CDH13: variants seen among roughly 807,000 people sequenced by gnomAD.
CDH13 encodes the protein cadherin-13.
Under a neutral mutation model 63.8 loss-of-function variants are expected in CDH13, and 24 were observed. That is an observed-to-expected ratio of 0.38 (90% CI 0.27 to 0.53). The LOEUF is 0.53. CDH13 is among the 20% of genes least tolerant of loss of function. CDH13 has a pLI of 0.85. For missense variants in CDH13, 1,049 were observed against 903.1 expected (o/e 1.16, Z -2.07); for synonymous variants, 503 against 355.3 (o/e 1.42, Z -4.67).
At chr16:83,298,777 A>C (rs2089663045) in intron 5 of CDH13, among the ~76,000 whole-genome samples, 1 of 152,224 alleles carries the variant, frequency 6.6e-6, no homozygotes, top group Non-Finnish European at 1.5e-5. Context: ...ACTGAGCATT[A>C]CATGAGACTG....
At chr16:83,721,096 C>T (rs1239367515) in intron 10 of CDH13, 1 of 152,256 alleles carries the variant, frequency 6.6e-6, no homozygotes, top group Non-Finnish European at 1.5e-5. Context: ...GAAGTGGGTT[C>T]AGTAATGAGC....
intron 7 of CDH13, among the ~76,000 whole-genome samples, chr16:83,488,520 C>A (rs913114461): frequency 3.9e-5 from 6 of 152,088 alleles, no homozygotes; most frequent in African/African-American, 1.2e-4. Flanking sequence ...AAAATGTAAT[C>A]GTTTCTAGTT....
chr16:83,361,732 C>G (rs376716730), intron 6 of CDH13, among the ~76,000 whole-genome samples: 1 of 151,942 alleles, frequency 6.6e-6, no homozygotes, highest in Non-Finnish European at 1.5e-5. Context: ...AGAGCAGATG[C>G]CTATAGGTGT....
At chr16:83,777,440 C>T (rs1008865335) in intron 11 of CDH13, among the ~76,000 whole-genome samples, 3 of 152,212 alleles carry the variant, frequency 2.0e-5, no homozygotes, top group Non-Finnish European at 4.4e-5. Context: ...GAACACCCTG[C>T]GGTCCCCCAG....
chr16:83,503,465 G>T (rs1039966792), intron 7 of CDH13, among the ~76,000 whole-genome samples: 1 of 152,252 alleles, frequency 6.6e-6, no homozygotes, highest in East Asian at 1.9e-4. Flanking sequence ...TGAGAAGGAG[G>T]CCGGAAGGGG....
rs547119341 is a variant in CDH13, at chr16:82,983,701, A to T, written c.158-48309A>T. 7.2e-5 allele frequency among the ~76,000 whole-genome samples: 11 copies of T among 152,312 alleles called. No homozygotes were observed. In the East Asian group the frequency reaches 1.9e-3, roughly 27 times the overall value. ...TTGGGAACAGTTCAGGGGTGTGTGTATGAGAGAGATTGTGCATACCATGAA... is the reference window on the plus strand; with the variant it reads ...TTGGGAACAGTTCAGGGGTGTGTGTTTGAGAGAGATTGTGCATACCATGAA... On this transcript the variant is annotated intron_variant, in intron 2 of 13. Coordinates refer to ENST00000567109, the MANE Select transcript of CDH13 (RefSeq NM_001257.5).
At chr16:83,244,797 GACA>G (rs766123059) in intron 5 of CDH13, among the ~76,000 whole-genome samples, 135 of 152,286 alleles carry the variant, frequency 8.9e-4, no homozygotes, top group Non-Finnish European at 1.3e-3. Flanking sequence ...GAGAAATAGT[GACA>G]ACGAGTATAA....
At chr16:82,710,643 A>G (rs1040072059) in intron 1 of CDH13, among the ~76,000 whole-genome samples, 10 of 144,470 alleles carry the variant, frequency 6.9e-5, no homozygotes, top group African/African-American at 2.2e-4. Flanking sequence ...TACATATAAT[A>G]TAATCATTTT....
At position 83,202,864 on chromosome 16, in the gene CDH13, A is replaced by C. The variant is rs2039070802; in HGVS notation, c.484-14481A>C. ...TAAACATTGAGTACACATGGACATA[A>C]AGACAGGAAAAATAGACACTGAAGA... is the stretch of plus-strand genomic sequence containing the variant. On this transcript the variant is annotated intron_variant, in intron 4 of 13. Transcript: ENST00000567109. 4.6e-5 allele frequency among the ~76,000 whole-genome samples: 7 copies of C among 150,966 alleles called. No individual in the cohort carries two copies. In the South Asian group the frequency reaches 1.5e-3, roughly 31 times the overall value.
chr16:83,478,750 G>T (rs1187678616), intron 6 of CDH13, among the ~76,000 whole-genome samples: 1 of 151,682 alleles, frequency 6.6e-6, no homozygotes, highest in Non-Finnish European at 1.5e-5. Flanking sequence ...CAGAGTACAG[G>T]GGCAGGGATT....
At chr16:82,963,692 A>T (rs1219954696) in intron 2 of CDH13, among the ~76,000 whole-genome samples, 2 of 152,058 alleles carry the variant, frequency 1.3e-5, no homozygotes, top group African/African-American at 4.8e-5. Flanking sequence ...TAAATCCTCA[A>T]CACCTGTTAC....
chr16:83,554,098 T>A (rs925092118), intron 7 of CDH13, among the ~76,000 whole-genome samples: 28 of 152,178 alleles, frequency 1.8e-4, no homozygotes, highest in African/African-American at 6.8e-4. Context: ...AGATTAGACC[T>A]CAATGTAGCA....
intron 7 of CDH13, among the ~76,000 whole-genome samples, chr16:83,590,642 A>C (rs139538779): frequency 6.6e-6 from 1 of 152,244 alleles, no homozygotes; most frequent in African/African-American, 2.4e-5. Flanking sequence ...TTGGAAAACT[A>C]TGATTTTCAT....
intron 1 of CDH13, among the ~76,000 whole-genome samples, chr16:82,740,360 C>T (rs2033873471): frequency 6.6e-6 from 1 of 152,194 alleles, no homozygotes; most frequent in South Asian, 2.1e-4. Flanking sequence ...TCACAAACTT[C>T]AAATTGTATT....
intron 6 of CDH13, among the ~76,000 whole-genome samples, chr16:83,427,723 C>T (rs1006867441): frequency 6.6e-6 from 1 of 152,146 alleles, no homozygotes; most frequent in African/African-American, 2.4e-5. Flanking sequence ...CTACTAAGCA[C>T]CTCTGCACTT....
chr16:83,458,540 T>C (rs1407734657), intron 6 of CDH13, among the ~76,000 whole-genome samples: 2 of 152,178 alleles, frequency 1.3e-5, no homozygotes, highest in African/African-American at 4.8e-5. Flanking sequence ...TTATAACTCA[T>C]CTCCCCCCAC....
intron 1 of CDH13, among the ~76,000 whole-genome samples, chr16:82,633,255 G>C (rs528432439): frequency 5.8e-4 from 88 of 152,298 alleles, no homozygotes; most frequent in Admixed American, 1.9e-3. Context: ...GCTCCCTCAC[G>C]GTATAGACAT....
chr16:83,439,700 C>T (rs2072427972), intron 6 of CDH13, among the ~76,000 whole-genome samples: 1 of 152,174 alleles, frequency 6.6e-6, no homozygotes, highest in African/African-American at 2.4e-5. Flanking sequence ...GTCTGATTGA[C>T]TGTGGTCATA....
chr16:82,648,326 T>G (rs144927024), intron 1 of CDH13, among the ~76,000 whole-genome samples: 84 of 152,354 alleles, frequency 5.5e-4, no homozygotes, highest in African/African-American at 1.9e-3. Flanking sequence ...TGTATATGTT[T>G]TATGCATTGT....
Sources: gnomAD v4.1 joint callset for allele counts (sites outside exome capture counted in the v4.1 genomes callset) on GRCh38, gnomAD v4.1.1 for gene constraint, MANE v1.5 for transcripts, NCBI Gene and HGNC (gene_info 2026-07-23, HGNC 2026-07-21) for gene names.